Variants in SIPA1L1 observed in about 807,000 individuals in gnomAD.
SIPA1L1 encodes the protein signal induced proliferation associated 1 like 1, also known as signal-induced proliferation-associated 1-like protein 1.
SIPA1L1 carries 26 observed loss-of-function variants against 162.7 expected under a neutral mutation model. The ratio of observed to expected loss-of-function variants is 0.16; its 90% CI spans 0.12 to 0.22. The LOEUF (loss-of-function observed/expected upper bound fraction) is 0.22, where lower values mean the gene tolerates loss of function less well. SIPA1L1 is among the 10% of genes least tolerant of loss of function. The pLI, the probability that SIPA1L1 is intolerant of heterozygous loss-of-function variation, is 1.00. For missense variants in SIPA1L1, 1,874 were observed against 2,241.0 expected, an observed-to-expected ratio of 0.84 and a Z score of 3.31; for synonymous variants, 829 against 837.4, an observed-to-expected ratio of 0.99 and a Z score of 0.17.
chr14:71,562,124 T>C (rs1023052148), intron 4 of SIPA1L1, among the ~76,000 whole-genome samples: 1 of 151,864 alleles, frequency 6.6e-6, no homozygotes, highest in Non-Finnish European at 1.5e-5. Flanking sequence ...ATTCATAATA[T>C]ATATACTATA....
At chr14:71,703,847 C>T (rs2082259614) in intron 15 of SIPA1L1, among the ~76,000 whole-genome samples, 1 of 152,096 alleles carries the variant, frequency 6.6e-6, no homozygotes, top group Admixed American at 6.5e-5. Context: ...CTTCCTAGAC[C>T]CCTGTTCATT....
In SIPA1L1 at chr14:71,738,280, C is replaced by T; in HGVS notation, c.5163C>T (p.Asp1721=). 1 of 1,613,406 alleles carries T rather than the reference C, an allele frequency of 6.2e-7. No homozygotes were observed. Residue 1721 remains aspartate, a synonymous_variant, in exon 23 of 24, where the codon GAC becomes GAT. Coordinates refer to ENST00000381232, the MANE Select transcript of SIPA1L1 (RefSeq NM_001386936.1). The stretch of plus-strand genomic sequence containing the variant: ...CTCCCACTCTGGCTTCTAAAGTGGA[C>T]CAGCTGGAAGGTATGCTGAAGATGC... The part of the protein sequence containing the change: ...DSSPTLASKV[D]QLEGMLKMLR...
In SIPA1L1 at chr14:71,588,150, C is replaced by G. The variant is rs1160648532; in HGVS notation, c.278C>G (p.Ser93Cys). Residue 93 changes from serine (S) to cysteine (C), a missense_variant, in exon 5 of 24, where the codon TCT becomes TGT. Ser to Cys is a moderately radical substitution (Grantham distance 112). This residue lies in a region of SIPA1L1 where 685 missense variants were observed against 828.0 expected (regional missense o/e 0.83). Coordinates refer to ENST00000381232, the MANE Select transcript of SIPA1L1 (RefSeq NM_001386936.1). This position sits in a 1 kb window ranked among gnomAD's most constrained non-coding sequence, Gnocchi z 4.3. The stretch of plus-strand genomic sequence containing the variant: ...CCAAGAAAGGAAAACATAAAAGAAT[C>G]TAGCCGTTCAAGCCAGGAAATAGAA... ...WPPRKENIKE[S>C]SRSSQEIETS... 1.1e-5 allele frequency: 18 copies of G among 1,614,162 alleles called. No individual in the cohort carries two copies. Among genetic ancestry groups the G allele is most frequent in the Non-Finnish European group, 1.5e-5 (18 of 1,180,004 alleles).
chr14:71,474,686 C>T (rs1449579656), intron 2 of SIPA1L1, among the ~76,000 whole-genome samples: 1 of 152,206 alleles, frequency 6.6e-6, no homozygotes, highest in Non-Finnish European at 1.5e-5. Context: ...TCAGTCCCTC[C>T]TATCAGTACG....
At chr14:71,732,023 T>C (rs984341810) in intron 20 of SIPA1L1, among the ~76,000 whole-genome samples, 6 of 152,240 alleles carry the variant, frequency 3.9e-5, no homozygotes, top group African/African-American at 1.2e-4. Context: ...GGTTGTGAGT[T>C]ACACACAGAA....
intron 2 of SIPA1L1, among the ~76,000 whole-genome samples, chr14:71,402,453 A>G (rs2041740246): frequency 6.6e-6 from 1 of 151,316 alleles, no homozygotes; most frequent in Non-Finnish European, 1.5e-5. Flanking sequence ...GGTTCAAGTG[A>G]TTCTCTTGCC....
At chr14:71,626,409 A>G (rs1036403559) in intron 7 of SIPA1L1, among the ~76,000 whole-genome samples, 13 of 152,300 alleles carry the variant, frequency 8.5e-5, no homozygotes, top group African/African-American at 3.1e-4. Context: ...CTCCATACAT[A>G]CAGCATTCAA....
chr14:71,541,594 G>A (rs1490942855), intron 4 of SIPA1L1, among the ~76,000 whole-genome samples: 1 of 151,998 alleles, frequency 6.6e-6, no homozygotes, highest in African/African-American at 2.4e-5. Flanking sequence ...AGACCCTATC[G>A]CTACATAAAT....
intron 10 of SIPA1L1, among the ~76,000 whole-genome samples, chr14:71,667,014 T>C (rs1043655556): frequency 2.0e-5 from 3 of 152,210 alleles, no homozygotes; most frequent in African/African-American, 7.2e-5. Context: ...GCAGCTGACC[T>C]TTCTAAGACA....
intron 10 of SIPA1L1, among the ~76,000 whole-genome samples, chr14:71,666,868 T>TAAA (rs960598363): frequency 9.0e-5 from 7 of 78,124 alleles, no homozygotes; most frequent in African/African-American, 1.5e-4. Context: ...TTCCTCTCTG[T>TAAA]AAAAAAAAAA....
intron 2 of SIPA1L1, among the ~76,000 whole-genome samples, chr14:71,465,789 G>T (rs899903804): frequency 1.3e-5 from 2 of 152,084 alleles, no homozygotes; most frequent in African/African-American, 2.4e-5. Context: ...TCCACAATAG[G>T]CTGTCTGCAA....
Position 71,740,674 on chromosome 14 carries a change from A to G in SIPA1L1, c.*1513A>G, listed in dbSNP as rs1481137328. 6.6e-6 allele frequency: 1 copy of G among 152,112 alleles called. No homozygotes were observed. Among genetic ancestry groups the G allele is most frequent in the African/African-American group, 2.4e-5 (1 of 41,412 alleles). 9.4% of individuals were successfully genotyped at this position (152,112 alleles called of 1,614,324 possible). A position where few individuals can be genotyped will look rare whatever the true frequency, so the allele number is the denominator to read the frequency against. On this transcript the variant is annotated 3_prime_UTR_variant, in exon 24 of 24. Transcript: ENST00000381232. ...ACATTCACTACCAGATTTTTATGCT[A>G]CAGTTTCATTCTTGATTGTGATTTC... is the stretch of plus-strand genomic sequence containing the variant.
intron 4 of SIPA1L1, among the ~76,000 whole-genome samples, chr14:71,557,739 C>G (rs1043957249): frequency 2.6e-5 from 4 of 152,148 alleles, no homozygotes; most frequent in African/African-American, 9.7e-5. Flanking sequence ...TCAGATGTAA[C>G]TGATATAAAA....
chr14:71,366,006 A>C (rs536978861), intron 2 of SIPA1L1, among the ~76,000 whole-genome samples: 95 of 150,972 alleles, frequency 6.3e-4, no homozygotes, highest in Non-Finnish European at 1.1e-3. Context: ...GATTACAGGC[A>C]TGAGCCACTG....
At chr14:71,477,301 A>G (rs774500056) in intron 2 of SIPA1L1, among the ~76,000 whole-genome samples, 2 of 151,950 alleles carry the variant, frequency 1.3e-5, no homozygotes, top group Non-Finnish European at 2.9e-5. Context: ...CTGTCTCCCC[A>G]CCTCTACCTC....
intron 2 of SIPA1L1, among the ~76,000 whole-genome samples, chr14:71,509,430 G>A (rs924025412): frequency 6.6e-6 from 1 of 152,038 alleles, no homozygotes; most frequent in Admixed American, 6.5e-5. Flanking sequence ...TTGTTTTTTT[G>A]TAAGGTAGCA....
At chr14:71,533,063 A>G (rs1416773055) in intron 4 of SIPA1L1, among the ~76,000 whole-genome samples, 1 of 152,208 alleles carries the variant, frequency 6.6e-6, no homozygotes, top group East Asian at 1.9e-4. Flanking sequence ...TAGAATGGAA[A>G]TATGATACTC....
rs1396725796 is a variant in SIPA1L1, at chr14:71,588,990, C to G, written c.1118C>G (p.Ser373Cys). The G allele has an allele frequency of 6.2e-7, 1 of 1,614,134 alleles. No homozygotes were observed. Among genetic ancestry groups the G allele is most frequent in the Admixed American group, 1.7e-5 (1 of 60,014 alleles). The change falls in exon 5 of 24, where the codon TCT (serine) becomes TGT (cysteine). Residue 373 changes from serine to cysteine, a missense_variant. Coordinates refer to ENST00000381232, the MANE Select transcript of SIPA1L1 (RefSeq NM_001386936.1). The surrounding 1 kb of genome is among the most constrained non-coding windows in gnomAD (Gnocchi z 4.3). ...GCAGCTGCCGTGGCATCCTTGGTCT[C>G]TGGACCTCTGTCTCATTCAGCCAGT... ...ASAAAVASLVSGPLSHSASFS... is the reference protein window; with the variant it reads ...ASAAAVASLVCGPLSHSASFS...
intron 12 of SIPA1L1, among the ~76,000 whole-genome samples, chr14:71,679,344 A>T (rs2045547515): frequency 6.6e-6 from 1 of 152,198 alleles, no homozygotes. Context: ...AAGCTTCATA[A>T]GTGAAGGAGA....
Sources: allele counts gnomAD v4.1 joint callset (sites outside exome capture counted in the v4.1 genomes callset), GRCh38; gene constraint gnomAD v4.1.1; regional missense constraint gnomAD v4.1.1; non-coding constraint Gnocchi (gnomAD v3.1); transcripts MANE v1.5; gene names NCBI Gene and HGNC (gene_info 2026-07-23, HGNC 2026-07-21).